Variants in FCRL1 observed in about 807,000 individuals in gnomAD.
FCRL1 encodes the protein Fc receptor like 1.
Under a neutral mutation model 49.2 loss-of-function variants are expected in FCRL1, and 34 were observed. The ratio of observed to expected loss-of-function variants is 0.69; its 90% confidence interval spans 0.53 to 0.92. The LOEUF (loss-of-function observed/expected upper bound fraction) is 0.92. Among genes scored for constraint, FCRL1 ranks in the 40% least tolerant of loss-of-function variants. FCRL1 has a pLI of 0.00. For missense variants in FCRL1, 524 were observed against 524.1 expected (o/e 1.00, Z 0.00); for synonymous variants, 218 against 201.6 (o/e 1.08, Z -0.69).
chr1:157,797,158 A>G (rs958185699), intron 9 of FCRL1, 26 bp from the exon 10 acceptor site: 3 of 1,611,866 alleles, frequency 1.9e-6, no homozygotes, highest in Non-Finnish European at 2.5e-6. Context: ...AAGTGCTGTG[A>G]CATTCCACTT....
chr1:157,797,408 A>G (rs887865625), intron 9 of FCRL1, among the ~76,000 whole-genome samples: 2 of 152,154 alleles, frequency 1.3e-5, no homozygotes, highest in African/African-American at 4.8e-5. Context: ...GTAGGATGGG[A>G]CAAGAGCACC....
At chr1:157,814,315 C>T (rs1654739451) in intron 1 of FCRL1, among the ~76,000 whole-genome samples, 1 of 152,028 alleles carries the variant, frequency 6.6e-6, no homozygotes, top group Non-Finnish European at 1.5e-5. Context: ...AAATATGTAA[C>T]ATAAGGCAAC....
chr1:157,809,087 A>G (rs1653914965), intron 1 of FCRL1, among the ~76,000 whole-genome samples: 1 of 152,186 alleles, frequency 6.6e-6, no homozygotes, highest in African/African-American at 2.4e-5. Context: ...TCTATTAGAT[A>G]CCCGAATGCA....
intron 1 of FCRL1, among the ~76,000 whole-genome samples, chr1:157,811,044 G>C (rs1654251250): frequency 6.6e-6 from 1 of 152,134 alleles, no homozygotes; most frequent in African/African-American, 2.4e-5. Flanking sequence ...ACCTCCCAAA[G>C]TGCTGAGATT....
At chr1:157,804,255 C>CG (rs1481518236) in intron 2 of FCRL1, 144 bp from the exon 3 acceptor site, 1 of 934,562 alleles carries the variant, frequency 1.1e-6, no homozygotes, top group Non-Finnish European at 1.6e-6. Context: ...CACCCCCCCC[C>CG]CAGTGGCCCA....
In FCRL1 at chr1:157,815,051, G is replaced by C. The variant is rs147633580; in HGVS notation, c.31+4956C>G. Among the ~76,000 whole-genome samples the C allele has an allele frequency of 7.9e-3, 1,205 of 152,016 alleles. 12 individuals are homozygous for C. Among genetic ancestry groups the C allele is most frequent in the Non-Finnish European group, 0.011 (757 of 67,808 alleles). ...ACTTTCAGCAATGGAAAATCATCCA[G>C]ATGGAAAATCAACAAAGAAATATCA... is the stretch of plus-strand genomic sequence containing the variant. On this transcript the variant is annotated intron_variant, in intron 1 of 10. Transcript: ENST00000368176.
intron 2 of FCRL1, among the ~76,000 whole-genome samples, chr1:157,804,429 A>G (rs916352706): frequency 1.3e-5 from 2 of 152,210 alleles, no homozygotes; most frequent in African/African-American, 4.8e-5. Context: ...CCAGTACAAT[A>G]ATACTGAAGA....
intron 1 of FCRL1, among the ~76,000 whole-genome samples, chr1:157,817,061 T>C (rs1327780072): frequency 6.6e-6 from 1 of 151,766 alleles, no homozygotes. Flanking sequence ...GAATAAATAC[T>C]GTTAAAATGT....
chr1:157,801,437 A>G (rs759386250), intron 6 of FCRL1, 24 bp downstream of exon 6: 2 of 1,420,300 alleles, frequency 1.4e-6, no homozygotes, highest in Admixed American at 3.4e-5. Flanking sequence ...CAGTAACAAA[A>G]TGCCACTCTC....
chr1:157,796,687 T>A (rs1651543785), intron 10 of FCRL1, among the ~76,000 whole-genome samples: 1 of 152,236 alleles, frequency 6.6e-6, no homozygotes, highest in South Asian at 2.1e-4. Context: ...CAAATGCTAA[T>A]TTTTAGTGAC....
intron 1 of FCRL1, 140 bp downstream of exon 1, chr1:157,819,867 C>A: frequency 1.1e-6 from 1 of 923,014 alleles, no homozygotes; most frequent in Non-Finnish European, 1.7e-6. Context: ...TGACTCTGAG[C>A]CCTCCGTGGA....
At chr1:157,796,960 T>G in intron 10 of FCRL1, 141 bp downstream of exon 10, 1 of 721,478 alleles carries the variant, frequency 1.4e-6, no homozygotes, top group East Asian at 2.6e-5. Context: ...TATGTGTTTT[T>G]ACCTCCATTG....
At chr1:157,798,007 T>C in intron 8 of FCRL1, 68 bp from the exon 9 acceptor site, 2 of 1,549,396 alleles carry the variant, frequency 1.3e-6, no homozygotes, top group Non-Finnish European at 1.8e-6. Context: ...ACTCCATACC[T>C]TCCACCTGTC....
rs1040891834 is a variant in FCRL1, at chr1:157,795,860, G to A, written c.*239C>T. ...AATATGACCTGTTTTCAAAGGAGCC[G>A]GCAGGAATCTGGTTCTGATAACAAA... On this transcript the variant is annotated 3_prime_UTR_variant, in exon 11 of 11. Coordinates refer to ENST00000368176, the MANE Select transcript of FCRL1 (RefSeq NM_052938.5). 7.0e-5 allele frequency: 31 copies of A among 441,444 alleles called. No homozygotes were observed. The highest frequency in any genetic ancestry group is 1.0e-4 in the Non-Finnish European group (25 of 243,808). The allele number at this position is 441,444 out of a possible 1,614,324, so 27.3% of individuals were successfully genotyped here. A position where few individuals can be genotyped will look rare whatever the true frequency, so the allele number is the denominator to read the frequency against.
At chr1:157,812,760 C>T (rs1654499003) in intron 1 of FCRL1, among the ~76,000 whole-genome samples, 1 of 152,144 alleles carries the variant, frequency 6.6e-6, no homozygotes, top group Non-Finnish European at 1.5e-5. Flanking sequence ...TGCAGGACCA[C>T]AACCACCTCA....
chr1:157,804,124 A>G lies in FCRL1; in HGVS notation c.53-13T>C. 6.2e-7 allele frequency: 1 copy of G among 1,612,634 alleles called. No homozygotes were observed. The highest frequency in any genetic ancestry group is 8.5e-7 in the Non-Finnish European group (1 of 1,179,252). ...ATCAAAAACAGCTCTAGAGAGAGGA[A>G]TTAAACACAAATGATTAATGCGGTT... is the stretch of plus-strand genomic sequence containing the variant. On this transcript the variant is annotated splice_polypyrimidine_tract_variant and intron_variant, in intron 2 of 10. Coordinates refer to ENST00000368176, the MANE Select transcript of FCRL1 (RefSeq NM_052938.5).
chr1:157,796,172 T>C lies in FCRL1; in HGVS notation c.1219-2A>G. ...CCTGGAATAGATGTCTAAGGAAACC[T>C]GGAAGCAAAGATTAGGACTAGAGCA... On this transcript the variant is annotated splice_acceptor_variant, in intron 10 of 10. Transcript: ENST00000368176. LOFTEE classifies it high-confidence loss of function. The C allele has an allele frequency of 1.2e-6, 2 of 1,613,580 alleles. No homozygotes were observed. The highest frequency in any genetic ancestry group is 1.7e-6 in the Non-Finnish European group (2 of 1,179,552).
At chr1:157,812,791 T>C (rs6696137) in intron 1 of FCRL1, among the ~76,000 whole-genome samples, 66,900 of 151,922 alleles carry the variant, frequency 0.44, 15,055 homozygotes, top group African/African-American at 0.53. Flanking sequence ...CCCTGGAACA[T>C]AGTACTACCA....
chr1:157,809,742 G>C (rs1654033903), intron 1 of FCRL1, among the ~76,000 whole-genome samples: 1 of 152,094 alleles, frequency 6.6e-6, no homozygotes, highest in African/African-American at 2.4e-5. Flanking sequence ...TTACAGACAT[G>C]AGCCACCATA....
Sources: allele counts gnomAD v4.1 joint callset (sites outside exome capture counted in the v4.1 genomes callset), GRCh38; gene constraint gnomAD v4.1.1; transcripts MANE v1.5; gene names NCBI Gene and HGNC (gene_info 2026-07-23, HGNC 2026-07-21).